The following MOXD1 variants were observed in gnomAD, a reference collection of about 807,000 sequenced individuals.
MOXD1 encodes monooxygenase DBH like 1, also known as DBH-like monooxygenase protein 1.
Under a neutral mutation model 66.6 loss-of-function variants are expected in MOXD1, and 62 were observed. That is an observed-to-expected ratio of 0.93 (90% CI 0.76 to 1.15). The LOEUF (loss-of-function observed/expected upper bound fraction) is 1.15, where lower values mean the gene tolerates loss of function less well. Ranked by LOEUF, MOXD1 falls within the 50% of genes most tolerant of loss-of-function variation. The pLI is 0.00. For missense variants in MOXD1, 847 were observed against 754.6 expected (o/e 1.12, Z -1.44); for synonymous variants, 303 against 281.9 (o/e 1.07, Z -0.75).
chr6:132,334,532 A>G (rs760555423), intron 4 of MOXD1, among the ~76,000 whole-genome samples: 5 of 152,234 alleles, frequency 3.3e-5, no homozygotes, highest in Admixed American at 6.5e-5. Context: ...TAAACTTTAT[A>G]CAAGTATTCG....
At chr6:132,315,532 G>A in intron 10 of MOXD1, 103 bp downstream of exon 10, 1 of 1,279,156 alleles carries the variant, frequency 7.8e-7, no homozygotes, top group Non-Finnish European at 1.1e-6. Flanking sequence ...AGAACAAACA[G>A]TGCATAAAAA....
At chr6:132,377,446 T>C (rs551885234) in intron 1 of MOXD1, among the ~76,000 whole-genome samples, 28 of 152,226 alleles carry the variant, frequency 1.8e-4, no homozygotes, top group Non-Finnish European at 2.6e-4. Flanking sequence ...CTTGCAAATA[T>C]GTTTCCAAAA....
chr6:132,358,836 A>G (rs1775956828), intron 4 of MOXD1, among the ~76,000 whole-genome samples: 1 of 152,226 alleles, frequency 6.6e-6, no homozygotes, highest in Non-Finnish European at 1.5e-5. Context: ...ACCTTAAAGC[A>G]GTATTTTTTC....
intron 4 of MOXD1, among the ~76,000 whole-genome samples, chr6:132,365,640 T>A (rs1019339312): frequency 6.6e-6 from 1 of 152,166 alleles, no homozygotes; most frequent in African/African-American, 2.4e-5. Flanking sequence ...TGAAAAGACA[T>A]GCTTTCAAAG....
intron 4 of MOXD1, among the ~76,000 whole-genome samples, chr6:132,333,772 C>T (rs898707891): frequency 6.6e-6 from 1 of 152,286 alleles, no homozygotes. Flanking sequence ...GTGAGCTTAC[C>T]TTCTGATGGC....
intron 10 of MOXD1, among the ~76,000 whole-genome samples, chr6:132,299,588 G>A (rs1042300736): frequency 6.6e-6 from 1 of 152,106 alleles, no homozygotes; most frequent in African/African-American, 2.4e-5. Flanking sequence ...CAGAAAAAGT[G>A]AAGTGAAAAA....
intron 4 of MOXD1, among the ~76,000 whole-genome samples, chr6:132,365,268 G>A (rs761201479): frequency 5.9e-5 from 9 of 152,128 alleles, no homozygotes; most frequent in Non-Finnish European, 1.0e-4. Flanking sequence ...GCATGCTCTA[G>A]AAAGGACTAA....
intron 4 of MOXD1, among the ~76,000 whole-genome samples, chr6:132,342,113 C>T (rs1219031682): frequency 6.6e-6 from 1 of 152,122 alleles, no homozygotes; most frequent in Non-Finnish European, 1.5e-5. Context: ...AGCAATTCTC[C>T]TGCCTCAGCC....
At chr6:132,348,780 AC>A (rs1562289651) in intron 4 of MOXD1, among the ~76,000 whole-genome samples, 1 of 152,164 alleles carries the variant, frequency 6.6e-6, no homozygotes, top group African/African-American at 2.4e-5. Flanking sequence ...AAGAAATCTA[AC>A]AAAAGAGCAT....
chr6:132,362,144 C>CA (rs550414505), intron 4 of MOXD1, among the ~76,000 whole-genome samples: 1 of 151,684 alleles, frequency 6.6e-6, no homozygotes, highest in African/African-American at 2.4e-5. Context: ...AAATAGAAAA[C>CA]AAAAAAATAA....
chr6:132,379,514 T>C (rs1184548848), intron 1 of MOXD1, among the ~76,000 whole-genome samples: 2 of 152,156 alleles, frequency 1.3e-5, no homozygotes, highest in East Asian at 3.9e-4. Context: ...CCTTGAACAG[T>C]TTATTTCTGT....
At chr6:132,373,121 G>A (rs1776302459) in intron 2 of MOXD1, 124 bp from the exon 3 acceptor site, 1 of 945,566 alleles carries the variant, frequency 1.1e-6, no homozygotes, top group African/African-American at 1.6e-5. Flanking sequence ...ATGACATTTG[G>A]AGTTATCAAC....
In MOXD1 at chr6:132,349,446, T is replaced by TAC. The variant is rs1562290045; in HGVS notation, c.664-20853_664-20852insGT. ...ACATATATATATATACATATATATA[T>TAC]ATATACATATATATATATACATATA... On this transcript the variant is annotated intron_variant, in intron 4 of 11. Coordinates refer to ENST00000367963, the MANE Select transcript of MOXD1 (RefSeq NM_015529.4). Among the ~76,000 whole-genome samples, 6 of 56,622 alleles carry TAC rather than the reference T, an allele frequency of 1.1e-4. 2 individuals carry two copies. Among genetic ancestry groups the TAC allele is most frequent in the African/African-American group, 8.5e-4 (6 of 7,028 alleles). 37.1% of individuals were successfully genotyped at this position (56,622 alleles called of 152,430 possible).
At chr6:132,309,197 A>C (rs1774765918) in intron 10 of MOXD1, among the ~76,000 whole-genome samples, 1 of 152,178 alleles carries the variant, frequency 6.6e-6, no homozygotes, top group South Asian at 2.1e-4. Flanking sequence ...TCAATGTGCA[A>C]AAATCACAAG....
rs753559116 is a variant in MOXD1 at position 132,401,398 on chromosome 6, C to T, written c.29G>A (p.Trp10Ter). 2 of 1,527,258 alleles carry T rather than the reference C, an allele frequency of 1.3e-6. No individual in the cohort carries two copies. The highest frequency in any genetic ancestry group is 1.2e-5 in the South Asian group (1 of 82,666). The allele number at this position is 1,527,258 out of a possible 1,614,324, so 94.6% of individuals were successfully genotyped here. A position where few individuals can be genotyped will look rare whatever the true frequency, so the allele number is the denominator to read the frequency against. MCCWPLLLL[W>*]GLLPGTAAGG... ...CGCCGCCGTCCCGGGGAGCAGCCCC[C>T]ACAGCAGGAGCAGCGGCCAGCAGCA... is the stretch of plus-strand genomic sequence containing the variant. The change falls in exon 1 of 12, where the codon TGG becomes TAG. Residue 10 changes from tryptophan to a stop codon, truncating the protein, a stop_gained. Transcript: ENST00000367963. LOFTEE classifies it high-confidence loss of function.
intron 4 of MOXD1, among the ~76,000 whole-genome samples, chr6:132,344,814 A>C (rs1190048791): frequency 6.6e-6 from 1 of 152,056 alleles, no homozygotes; most frequent in Non-Finnish European, 1.5e-5. Flanking sequence ...GCACTACCCA[A>C]CTTTGGGTAA....
intron 4 of MOXD1, among the ~76,000 whole-genome samples, chr6:132,345,937 C>T (rs2114615543): frequency 6.6e-6 from 1 of 152,134 alleles, no homozygotes; most frequent in South Asian, 2.1e-4. Flanking sequence ...GCAAAGACAC[C>T]AAGACCCTTC....
At chr6:132,349,406 C>CATAT (rs539329852) in intron 4 of MOXD1, among the ~76,000 whole-genome samples, 12 of 72,036 alleles carry the variant, frequency 1.7e-4, no homozygotes, top group African/African-American at 8.0e-4. Flanking sequence ...CATATATATA[C>CATAT]ATATATATAT....
chr6:132,385,224 C>T (rs1776601630), intron 1 of MOXD1, among the ~76,000 whole-genome samples: 2 of 152,008 alleles, frequency 1.3e-5, no homozygotes. Flanking sequence ...TTTAAGATGC[C>T]TACCCAGAAG....
Sources: allele counts gnomAD v4.1 joint callset (sites outside exome capture counted in the v4.1 genomes callset), GRCh38; gene constraint gnomAD v4.1.1; transcripts MANE v1.5; gene names NCBI Gene and HGNC (gene_info 2026-07-23, HGNC 2026-07-21).